TMTC1: variants seen among roughly 807,000 people sequenced by gnomAD.
TMTC1 encodes transmembrane O-mannosyltransferase targeting cadherins 1.
Under a neutral mutation model 104.8 loss-of-function variants are expected in TMTC1, and 73 were observed. The ratio of observed to expected loss-of-function variants is 0.70; its 90% CI spans 0.58 to 0.85. TMTC1 has a LOEUF of 0.85. Ranked by LOEUF, TMTC1 falls within the 40% of genes least tolerant of loss-of-function variation. The pLI is 0.00. For missense variants in TMTC1, 1,035 were observed against 1,096.1 expected (o/e 0.94, Z 0.79); for synonymous variants, 434 against 428.7 (o/e 1.01, Z -0.15).
intron 4 of TMTC1, among the ~76,000 whole-genome samples, chr12:29,755,453 C>CAGAT (rs1943191820): frequency 1.3e-5 from 2 of 152,204 alleles, no homozygotes; most frequent in African/African-American, 4.8e-5. Flanking sequence ...GCAATTAACA[C>CAGAT]AGATACTTTT....
chr12:29,606,457 C>T (rs775234491), intron 6 of TMTC1, among the ~76,000 whole-genome samples: 5 of 152,122 alleles, frequency 3.3e-5, no homozygotes, highest in Admixed American at 6.5e-5. Context: ...TCAAATGTTC[C>T]TCATTCACTC....
chr12:29,777,677 C>T (rs750911027), intron 1 of TMTC1, among the ~76,000 whole-genome samples: 2 of 152,082 alleles, frequency 1.3e-5, no homozygotes, highest in Non-Finnish European at 2.9e-5. Flanking sequence ...TCCAAGATAA[C>T]CTTAGGGTGG....
chr12:29,524,244 T>TA lies in TMTC1; in HGVS notation c.1786-3525dup, dbSNP rs35615067. On this transcript the variant is annotated intron_variant, in intron 11 of 17. Transcript: ENST00000539277. ...AATCAAGAGTTTGGAGTATGCTCCT[T>TA]AGTCAGCATCTCCATGAACCAAACC... Among the ~76,000 whole-genome samples, 1,484 of 152,320 alleles carry TA rather than the reference T, an allele frequency of 9.7e-3. 20 individuals are homozygous for TA. Among genetic ancestry groups the TA allele is most frequent in the South Asian group, 0.039 (186 of 4,826 alleles).
intron 5 of TMTC1, among the ~76,000 whole-genome samples, chr12:29,720,748 C>G (rs775939442): frequency 6.6e-6 from 1 of 151,910 alleles, no homozygotes; most frequent in African/African-American, 2.4e-5. Flanking sequence ...AGTATTAAAA[C>G]AGACAATGGC....
rs765939403 is a variant in TMTC1 at position 29,755,899 on chromosome 12, T to C, written c.555-14A>G. 3.1e-6 allele frequency: 5 copies of C among 1,611,570 alleles called. No individual in the cohort carries two copies. The South Asian group carries it at 5.5e-5, about 18-fold the overall frequency. The stretch of plus-strand genomic sequence containing the variant: ...TGATCCAGACTCCTGAAAAACAAGT[T>C]GGAGATTCTTTTAATCTAAGAAAGA... On this transcript the variant is annotated splice_polypyrimidine_tract_variant and intron_variant, in intron 3 of 17. Coordinates refer to ENST00000539277, the MANE Select transcript of TMTC1 (RefSeq NM_001193451.2).
chr12:29,552,357 C>T (rs1283959815), intron 10 of TMTC1, among the ~76,000 whole-genome samples: 1 of 152,028 alleles, frequency 6.6e-6, no homozygotes, highest in Non-Finnish European at 1.5e-5. Context: ...ATATTAATCA[C>T]ATGCTAAAAT....
chr12:29,511,392 A>C (rs2023518), intron 17 of TMTC1, among the ~76,000 whole-genome samples: 12,465 of 152,062 alleles, frequency 0.082, 734 homozygotes, highest in East Asian at 0.19. Context: ...AGCAGGGGAT[A>C]TGACACATAG....
At chr12:29,769,831 G>A (rs1387681904) in intron 1 of TMTC1, among the ~76,000 whole-genome samples, 1 of 151,972 alleles carries the variant, frequency 6.6e-6, no homozygotes, top group East Asian at 1.9e-4. Flanking sequence ...GGCTTTAAAA[G>A]GTATGCACTT....
At chr12:29,612,881 A>C (rs972628971) in intron 6 of TMTC1, among the ~76,000 whole-genome samples, 1 of 152,250 alleles carries the variant, frequency 6.6e-6, no homozygotes, top group Non-Finnish European at 1.5e-5. Flanking sequence ...CTTTTGACAT[A>C]TGAAATCAAA....
At chr12:29,537,020 C>CTCTTTCCT in intron 10 of TMTC1, among the ~76,000 whole-genome samples, 1 of 152,160 alleles carries the variant, frequency 6.6e-6, no homozygotes, top group East Asian at 1.9e-4. Context: ...GGTAAAAGTT[C>CTCTTTCCT]TCTTTCCTGT....
intron 7 of TMTC1, among the ~76,000 whole-genome samples, chr12:29,597,489 C>A (rs1041705061): frequency 1.3e-5 from 2 of 151,952 alleles, no homozygotes; most frequent in Non-Finnish European, 2.9e-5. Context: ...GGGCCACTGT[C>A]GGGCCCTCCA....
intron 17 of TMTC1, among the ~76,000 whole-genome samples, chr12:29,508,871 C>T (rs1309263622): frequency 1.3e-5 from 2 of 152,092 alleles, no homozygotes; most frequent in Non-Finnish European, 2.9e-5. Flanking sequence ...AGCCACCGTG[C>T]CCAGCCTAGA....
chr12:29,671,893 G>A (rs1371733913), intron 5 of TMTC1, among the ~76,000 whole-genome samples: 7 of 152,176 alleles, frequency 4.6e-5, no homozygotes, highest in Non-Finnish European at 1.5e-5. Flanking sequence ...TAGGCAAGAG[G>A]GGCCAAGGGG....
At chr12:29,537,262 C>T (rs951096024) in intron 10 of TMTC1, among the ~76,000 whole-genome samples, 2 of 152,144 alleles carry the variant, frequency 1.3e-5, no homozygotes, top group African/African-American at 4.8e-5. Context: ...TATAGAGTTG[C>T]GTGCTTGTGT....
At chr12:29,763,875 T>C (rs182214960) in intron 2 of TMTC1, among the ~76,000 whole-genome samples, 11 of 152,224 alleles carry the variant, frequency 7.2e-5, no homozygotes, top group Admixed American at 6.5e-4. Flanking sequence ...GGTGTGCTTC[T>C]GGAAGGGGAG....
chr12:29,706,510 G>GC (rs1355072943), intron 5 of TMTC1, among the ~76,000 whole-genome samples: 2 of 152,146 alleles, frequency 1.3e-5, no homozygotes, highest in African/African-American at 4.8e-5. Context: ...AGTGCCATTA[G>GC]CATCAGGATT....
chr12:29,685,074 A>T (rs772427558), intron 5 of TMTC1, among the ~76,000 whole-genome samples: 1 of 152,120 alleles, frequency 6.6e-6, no homozygotes, highest in South Asian at 2.1e-4. Flanking sequence ...TCCAATACAC[A>T]TTTTTATTTT....
chr12:29,736,665 A>G (rs1483312042), intron 5 of TMTC1, among the ~76,000 whole-genome samples: 3 of 152,088 alleles, frequency 2.0e-5, no homozygotes, highest in East Asian at 3.9e-4. Flanking sequence ...TGATCCGCCC[A>G]CCTCGGCCTC....
intron 6 of TMTC1, among the ~76,000 whole-genome samples, chr12:29,624,519 C>G (rs545172494): frequency 6.4e-4 from 98 of 152,304 alleles, no homozygotes; most frequent in African/African-American, 2.2e-3. Flanking sequence ...GTACCCAGCC[C>G]ACTTGGCTCC....
Sources: gnomAD v4.1 joint callset for allele counts (sites outside exome capture counted in the v4.1 genomes callset) on GRCh38, gnomAD v4.1.1 for gene constraint, MANE v1.5 for transcripts, NCBI Gene and HGNC (gene_info 2026-07-23, HGNC 2026-07-21) for gene names.